Variants in BEND3 observed in about 807,000 individuals in gnomAD.
The protein encoded by BEND3 is BEN domain-containing protein 3.
BEND3 carries 13 observed loss-of-function variants against 60.1 expected under a neutral mutation model. The ratio of observed to expected loss-of-function variants is 0.22; its 90% CI spans 0.14 to 0.34. BEND3 has a LOEUF of 0.34. Ranked by LOEUF, BEND3 falls within the 10% of genes least tolerant of loss-of-function variation. The pLI is 1.00. For synonymous variants in BEND3, 497 were observed against 491.5 expected (o/e 1.01, Z -0.15); for missense variants, 896 against 1,138.1 (o/e 0.79, Z 3.06).
intron 3 of BEND3, among the ~76,000 whole-genome samples, chr6:107,084,951 G>C (rs1433159977): frequency 6.6e-6 from 1 of 152,246 alleles, no homozygotes; most frequent in Admixed American, 6.5e-5. Context: ...CCACGCTGTG[G>C]AAGCTTTGTT....
intron 3 of BEND3, among the ~76,000 whole-genome samples, chr6:107,086,087 G>T (rs376491630): frequency 1.3e-5 from 2 of 152,014 alleles, no homozygotes; most frequent in African/African-American, 2.4e-5. Context: ...GCGCCTGGCC[G>T]CCTTCTCTTT....
chr6:107,113,686 C>T (rs1554238846), intron 1 of BEND3, among the ~76,000 whole-genome samples: 1 of 152,020 alleles, frequency 6.6e-6, no homozygotes, highest in Non-Finnish European at 1.5e-5. Flanking sequence ...AAAATCTTGC[C>T]CAAGTCCCAG....
chr6:107,068,580 T>A lies in BEND3; in HGVS notation c.*124A>T. On this transcript the variant is annotated 3_prime_UTR_variant, in exon 4 of 4. Transcript: ENST00000369042. This position sits in a 1 kb window ranked among gnomAD's most constrained non-coding sequence, Gnocchi z 5.8. ...TACGTGTGCAAATGTAGTAAGCCAC[T>A]CCCCACGGACATAAGGTGCCTGTCT... 1 of 1,080,244 alleles carries A rather than the reference T, an allele frequency of 9.3e-7. No homozygotes were observed. Among genetic ancestry groups the A allele is most frequent in the Non-Finnish European group, 1.3e-6 (1 of 763,804 alleles). The allele number at this position is 1,080,244 out of a possible 1,614,324, so 66.9% of individuals were successfully genotyped here.
At position 107,069,202 on chromosome 6, in the gene BEND3, C is replaced by T. The variant is rs372235391; in HGVS notation, c.1989G>A (p.Pro663=). The change falls in exon 4 of 4, where the codon CCG becomes CCA. Residue 663 remains proline, a synonymous_variant. Transcript: ENST00000369042. ...SYQQQRKVHV[P]GPECRDLTSY... ...TGGTCAAGTCTCTGCACTCAGGGCC[C>T]GGCACGTGGACCTTGCGCTGCTGCT... 6.2e-6 allele frequency: 10 copies of T among 1,612,358 alleles called. No individual in the cohort carries two copies. Among genetic ancestry groups the T allele is most frequent in the African/African-American group, 2.7e-5 (2 of 74,918 alleles).
In BEND3 at chr6:107,070,444, T is replaced by C. The variant is rs1774949681; in HGVS notation, c.747A>G (p.Thr249=). 6.2e-7 allele frequency: 1 copy of C among 1,614,008 alleles called. No homozygotes were observed. ...CCACGATCTGCTTGAGCTCTGCGGC[T>C]GTGAGCTGGTACTCAGGGGGCGGCT... is the stretch of plus-strand genomic sequence containing the variant. ...KFQPPPEYQL[T]AAELKQIVDQ... Residue 249 remains threonine (T), a synonymous_variant, in exon 4 of 4, where the codon ACA becomes ACG. Transcript: ENST00000369042. The surrounding 1 kb of genome is among the most constrained non-coding windows in gnomAD (Gnocchi z 6.9).
intron 1 of BEND3, among the ~76,000 whole-genome samples, chr6:107,101,574 T>C (rs1470742851): frequency 6.6e-6 from 1 of 152,192 alleles, no homozygotes; most frequent in Non-Finnish European, 1.5e-5. Context: ...AGCCATCTCC[T>C]ACCTGAAAAA....
intron 3 of BEND3, among the ~76,000 whole-genome samples, chr6:107,082,715 A>G (rs1554233694): frequency 6.6e-6 from 1 of 152,156 alleles, no homozygotes; most frequent in Admixed American, 6.5e-5. Context: ...AGGCGTGAGC[A>G]ACCGCGCCCA....
At chr6:107,102,365 T>TA (rs1156239520) in intron 1 of BEND3, among the ~76,000 whole-genome samples, 1 of 152,160 alleles carries the variant, frequency 6.6e-6, no homozygotes, top group Non-Finnish European at 1.5e-5. Context: ...AGGAGGCTAT[T>TA]TTCTGAACCA....
chr6:107,076,421 C>T (rs797026041), intron 3 of BEND3, among the ~76,000 whole-genome samples: 7 of 152,230 alleles, frequency 4.6e-5, no homozygotes, highest in African/African-American at 1.4e-4. Context: ...CACCAGCACC[C>T]GTAGAACCCA....
In BEND3 at chr6:107,068,547, TG is replaced by T; in HGVS notation, c.*156del. The T allele has an allele frequency of 1.3e-6, 1 of 765,988 alleles. No individual in the cohort carries two copies. Among genetic ancestry groups the T allele is most frequent in the Non-Finnish European group, 2.0e-6 (1 of 491,260 alleles). 47.4% of individuals were successfully genotyped at this position (765,988 alleles called of 1,614,324 possible). A position where few individuals can be genotyped will look rare whatever the true frequency, so the allele number is the denominator to read the frequency against. On this transcript the variant is annotated 3_prime_UTR_variant, in exon 4 of 4. Transcript: ENST00000369042. This position sits in a 1 kb window ranked among gnomAD's most constrained non-coding sequence, Gnocchi z 5.8. ...TCAAGGCTTCTTTCTTGCGGTTGGGTGGGTGTTTACGTGTGCAAATGTAGTA... is the reference window on the plus strand; with the variant it reads ...TCAAGGCTTCTTTCTTGCGGTTGGGTGGTGTTTACGTGTGCAAATGTAGTA...
chr6:107,113,331 G>A (rs1182514203), intron 1 of BEND3, among the ~76,000 whole-genome samples: 5 of 150,808 alleles, frequency 3.3e-5, no homozygotes, highest in African/African-American at 1.2e-4. Context: ...CAGCTACTCC[G>A]TGAGGCTGAG....
chr6:107,072,275 C>T (rs970982892), intron 3 of BEND3, among the ~76,000 whole-genome samples: 17 of 152,148 alleles, frequency 1.1e-4, no homozygotes, highest in Non-Finnish European at 2.1e-4. Flanking sequence ...CCTAGCCCAG[C>T]GCTTCTTAAG....
At chr6:107,107,929 G>A (rs563113961) in intron 1 of BEND3, among the ~76,000 whole-genome samples, 101 of 152,202 alleles carry the variant, frequency 6.6e-4, no homozygotes, top group Non-Finnish European at 1.3e-3. Context: ...ATGTTCCCAT[G>A]CCATCCACTC....
At chr6:107,078,536 G>C (rs552830119) in intron 3 of BEND3, among the ~76,000 whole-genome samples, 1 of 145,868 alleles carries the variant, frequency 6.9e-6, no homozygotes. Flanking sequence ...CTCACTGCAA[G>C]CTCTGCCTCC....
Position 107,069,333 on chromosome 6 carries a change from G to C in BEND3, c.1858C>G (p.Leu620Val). ...RIKLIRHYVQLLYPRAKNDRV... is the reference protein window; with the variant it reads ...RIKLIRHYVQVLYPRAKNDRV... Reference sequence around the variant, plus strand: ...TCGTTTTTGGCGCGTGGGTAGAGCAGCTGCACGTAGTGGCGGATGAGCTTG... The same window carrying C: ...TCGTTTTTGGCGCGTGGGTAGAGCACCTGCACGTAGTGGCGGATGAGCTTG... The change falls in exon 4 of 4, where the codon CTG becomes GTG. Residue 620 changes from leucine (L) to valine (V), a missense_variant. Leu to Val is a conservative substitution (Grantham distance 32). This residue lies in a region of BEND3 where 846 missense variants were observed against 1,036.7 expected (regional missense o/e 0.82). Coordinates refer to ENST00000369042, the MANE Select transcript of BEND3 (RefSeq NM_001367314.1). 6.2e-7 allele frequency: 1 copy of C among 1,613,256 alleles called. No individual in the cohort carries two copies. The highest frequency in any genetic ancestry group is 8.5e-7 in the Non-Finnish European group (1 of 1,179,894).
At position 107,066,332 on chromosome 6, in the gene BEND3, GT is replaced by G. The variant is rs1774828631; in HGVS notation, c.*2371del. The G allele has an allele frequency of 1.3e-5, 2 of 152,568 alleles. No individual in the cohort carries two copies. The highest frequency in any genetic ancestry group is 1.3e-4 in the Admixed American group (2 of 15,298). 9.5% of individuals were successfully genotyped at this position (152,568 alleles called of 1,614,324 possible). ...ACAGACAGGGCAAGGACCTGCAGGC[GT>G]TTCCTGACGACAGTCCAGAGATGGT... On this transcript the variant is annotated 3_prime_UTR_variant, in exon 4 of 4. Transcript: ENST00000369042.
At chr6:107,074,442 T>C (rs1334292242) in intron 3 of BEND3, among the ~76,000 whole-genome samples, 1 of 152,098 alleles carries the variant, frequency 6.6e-6, no homozygotes, top group African/African-American at 2.4e-5. Flanking sequence ...AATTTATTAT[T>C]ACAATATGAT....
intron 3 of BEND3, among the ~76,000 whole-genome samples, chr6:107,079,895 CT>C (rs1428446611): frequency 3.2e-3 from 460 of 143,592 alleles, no homozygotes; most frequent in Non-Finnish European, 3.2e-3. Flanking sequence ...TTCCTTTCTA[CT>C]TTTTTTTTTT....
At chr6:107,113,114 C>T (rs1770154250) in intron 1 of BEND3, among the ~76,000 whole-genome samples, 1 of 149,594 alleles carries the variant, frequency 6.7e-6, no homozygotes, top group Non-Finnish European at 1.5e-5. Flanking sequence ...GAAGAGATCA[C>T]GCCACTGCAC....
Sources: allele counts gnomAD v4.1 joint callset (sites outside exome capture counted in the v4.1 genomes callset), GRCh38; gene constraint gnomAD v4.1.1; regional missense constraint gnomAD v4.1.1; non-coding constraint Gnocchi (gnomAD v3.1); transcripts MANE v1.5; gene names NCBI Gene and HGNC (gene_info 2026-07-23, HGNC 2026-07-21).